Variants in LY96 observed in about 807,000 individuals in gnomAD.
LY96 encodes the protein lymphocyte antigen 96.
LY96 carries 18 observed loss-of-function variants against 18.9 expected under a neutral mutation model. The ratio of observed to expected loss-of-function variants is 0.95; its 90% confidence interval spans 0.66 to 1.41. The LOEUF is 1.41. LY96 is among the 40% of genes most tolerant of loss of function. The pLI, the probability that LY96 is intolerant of heterozygous loss-of-function variation, is 0.00. For missense variants in LY96, 175 were observed against 182.4 expected (o/e 0.96, Z 0.23); for synonymous variants, 66 against 62.6 (o/e 1.06, Z -0.26).
the LY96 span, among the ~76,000 whole-genome samples, chr8:74,075,557 C>T: frequency 5.1e-4 from 78 of 152,334 alleles, no homozygotes; most frequent in African/African-American, 1.8e-3. Context: ...AGGCATGAAC[C>T]ACTGTGCCTG....
At chr8:74,014,392 A>G (rs1816596861) in intron 3 of LY96, among the ~76,000 whole-genome samples, 1 of 141,462 alleles carries the variant, frequency 7.1e-6, no homozygotes, top group Non-Finnish European at 1.5e-5. Context: ...AAAAAAAAAA[A>G]AGAAAAAAAA....
At chr8:74,089,503 C>T in the LY96 span, among the ~76,000 whole-genome samples, 2 of 152,202 alleles carry the variant, frequency 1.3e-5, no homozygotes, top group Non-Finnish European at 2.9e-5. Flanking sequence ...TTTCCCATAT[C>T]TGACTCCTTC....
the LY96 span, among the ~76,000 whole-genome samples, chr8:74,048,129 C>T: frequency 7.2e-5 from 11 of 152,152 alleles, no homozygotes; most frequent in Admixed American, 4.6e-4. Context: ...GGGCTCAAGT[C>T]CCCCTGGTTT....
chr8:74,049,867 G>A, the LY96 span, among the ~76,000 whole-genome samples: 2 of 152,122 alleles, frequency 1.3e-5, no homozygotes, highest in African/African-American at 4.8e-5. Flanking sequence ...TTTAGACTTG[G>A]TGGAGCCCGG....
At chr8:74,061,776 A>G in the LY96 span, among the ~76,000 whole-genome samples, 3 of 152,212 alleles carry the variant, frequency 2.0e-5, no homozygotes, top group Non-Finnish European at 4.4e-5. Context: ...TTGCTCTCCA[A>G]AATGGTTGCC....
chr8:74,043,206 C>T, the LY96 span, among the ~76,000 whole-genome samples: 43 of 152,180 alleles, frequency 2.8e-4, 1 homozygote, highest in African/African-American at 1.0e-3. Context: ...GGATCAGTAA[C>T]TCAAAATAAG....
chr8:74,043,478 G>A, the LY96 span, among the ~76,000 whole-genome samples: 6 of 152,222 alleles, frequency 3.9e-5, no homozygotes, highest in East Asian at 1.2e-3. Flanking sequence ...GATAGACCAT[G>A]CAGCAGTGGT....
At chr8:74,036,858 T>A in the LY96 span, among the ~76,000 whole-genome samples, 2 of 152,152 alleles carry the variant, frequency 1.3e-5, no homozygotes, top group Non-Finnish European at 1.5e-5. Context: ...GTAGAGCAGG[T>A]TTTTACCCAA....
chr8:74,085,583 T>A, the LY96 span, among the ~76,000 whole-genome samples: 1 of 152,228 alleles, frequency 6.6e-6, no homozygotes, highest in Admixed American at 6.5e-5. Flanking sequence ...AGCCAGCTCC[T>A]TTCTGCTTTT....
At chr8:74,062,412 C>T in the LY96 span, among the ~76,000 whole-genome samples, 1 of 151,330 alleles carries the variant, frequency 6.6e-6, no homozygotes, top group African/African-American at 2.4e-5. Flanking sequence ...CAACCCCGGA[C>T]AGGCCCCAGT....
At chr8:74,089,018 G>C in the LY96 span, among the ~76,000 whole-genome samples, 1 of 152,178 alleles carries the variant, frequency 6.6e-6, no homozygotes, top group African/African-American at 2.4e-5. Context: ...GGTGAGAGGG[G>C]GAGATGGGGT....
the LY96 span, among the ~76,000 whole-genome samples, chr8:74,087,984 G>A: frequency 2.1e-3 from 314 of 151,726 alleles, no homozygotes; most frequent in Non-Finnish European, 2.7e-3. Flanking sequence ...ACAAATTCAA[G>A]TTTGTCTTTA....
intron 1 of LY96, among the ~76,000 whole-genome samples, chr8:73,992,504 A>T (rs1016632282): frequency 2.0e-5 from 3 of 152,136 alleles, no homozygotes; most frequent in Admixed American, 1.3e-4. Flanking sequence ...CCACATTTTC[A>T]ATTTCATTTG....
intron 2 of LY96, 25 bp from the exon 3 acceptor site, chr8:74,009,976 C>T: frequency 6.5e-7 from 1 of 1,546,182 alleles, no homozygotes; most frequent in Admixed American, 1.7e-5. Flanking sequence ...TATTTGAGGG[C>T]CTAATGGGAT....
chr8:74,065,499 A>T, the LY96 span, among the ~76,000 whole-genome samples: 1 of 152,216 alleles, frequency 6.6e-6, no homozygotes, highest in South Asian at 2.1e-4. Flanking sequence ...AGAGTTTCAC[A>T]AGTTGTAAAG....
At chr8:74,037,933 G>C in the LY96 span, among the ~76,000 whole-genome samples, 4 of 152,204 alleles carry the variant, frequency 2.6e-5, no homozygotes, top group East Asian at 5.8e-4. Flanking sequence ...TAGTTGCAGG[G>C]TTAACTTATC....
At chr8:73,991,699 A>C in intron 1 of LY96, 145 bp downstream of exon 1, 1 of 627,566 alleles carries the variant, frequency 1.6e-6, no homozygotes, top group Non-Finnish European at 2.9e-6. Flanking sequence ...CAGGAAAAGC[A>C]ATAGCTGGCA....
the LY96 span, among the ~76,000 whole-genome samples, chr8:74,091,523 G>C: frequency 6.6e-6 from 1 of 152,210 alleles, no homozygotes; most frequent in Non-Finnish European, 1.5e-5. Context: ...CTTGAGAGCT[G>C]TAGGCGTCTG....
the LY96 span, among the ~76,000 whole-genome samples, chr8:74,081,054 T>C: frequency 5.8e-3 from 747 of 128,740 alleles, 13 homozygotes; most frequent in African/African-American, 0.017. Context: ...TTCTTTTTCT[T>C]TCTTTCTTTC....
Sources: allele counts gnomAD v4.1 joint callset (sites outside exome capture counted in the v4.1 genomes callset), GRCh38; gene constraint gnomAD v4.1.1; transcripts MANE v1.5; gene names NCBI Gene and HGNC (gene_info 2026-07-23, HGNC 2026-07-21).